TNKS: variants seen among roughly 807,000 people sequenced by gnomAD.
TNKS encodes poly [ADP-ribose] polymerase tankyrase-1.
TNKS carries 72 observed loss-of-function variants against 135.8 expected under a neutral mutation model. The observed-to-expected ratio is 0.53, with a 90% confidence interval of 0.44 to 0.64. The LOEUF (loss-of-function observed/expected upper bound fraction) is 0.64, where lower values mean the gene tolerates loss of function less well. Among genes scored for constraint, TNKS ranks in the 30% least tolerant of loss-of-function variants. The probability of loss-of-function intolerance (pLI) is 0.00; values close to 1 mark genes in which losing one functional copy is unlikely to be tolerated. For missense variants in TNKS, 1,769 were observed against 1,674.0 expected, an observed-to-expected ratio of 1.06 and a Z score of -0.99; for synonymous variants, 849 against 649.3, an observed-to-expected ratio of 1.31 and a Z score of -4.68.
At chr8:9,722,395 T>G (rs1198958886) in intron 12 of TNKS, 3 of 152,230 alleles carry the variant, frequency 2.0e-5, no homozygotes, top group Non-Finnish European at 4.4e-5. Context: ...TTCCTCATGC[T>G]AGGTCATTCG....
intron 1 of TNKS, among the ~76,000 whole-genome samples, chr8:9,559,504 G>A (rs1309377484): frequency 6.6e-6 from 1 of 152,076 alleles, no homozygotes; most frequent in African/African-American, 2.4e-5. Flanking sequence ...TGGGTAAATT[G>A]TGAATCTTGG....
At chr8:9,748,270 G>T (rs905469568) in intron 18 of TNKS, 58 bp downstream of exon 18, 5 of 1,324,420 alleles carry the variant, frequency 3.8e-6, no homozygotes, top group Non-Finnish European at 4.9e-6. Context: ...GATGACATCA[G>T]ATTCTCGGGT....
intron 2 of TNKS, among the ~76,000 whole-genome samples, chr8:9,599,423 G>C (rs1798927828): frequency 6.6e-6 from 1 of 152,170 alleles, no homozygotes; most frequent in South Asian, 2.1e-4. Flanking sequence ...TTATGAAAGA[G>C]GAAATTAAGA....
chr8:9,695,025 G>C (rs1803447809), intron 5 of TNKS, among the ~76,000 whole-genome samples: 1 of 152,144 alleles, frequency 6.6e-6, no homozygotes, highest in South Asian at 2.1e-4. Flanking sequence ...GTACCCAGCA[G>C]TCATTTGTGA....
chr8:9,774,151 T>A (rs1370182132), intron 26 of TNKS, among the ~76,000 whole-genome samples: 1 of 152,228 alleles, frequency 6.6e-6, no homozygotes, highest in Non-Finnish European at 1.5e-5. Flanking sequence ...TCAGTGGTAT[T>A]TGTTTATGTT....
chr8:9,651,635 G>A (rs1801151435), intron 3 of TNKS, among the ~76,000 whole-genome samples: 2 of 152,132 alleles, frequency 1.3e-5, no homozygotes, highest in South Asian at 4.1e-4. Context: ...ATATCTGTTC[G>A]GGAGGCAGGA....
chr8:9,661,093 C>G (rs1246958948), intron 3 of TNKS, among the ~76,000 whole-genome samples: 3 of 151,944 alleles, frequency 2.0e-5, no homozygotes, highest in Admixed American at 6.6e-5. Flanking sequence ...AGGATACAAA[C>G]AAATGGAAGA....
rs1043811179 is a variant in TNKS at position 9,706,390 on chromosome 8, G to T, written c.1269+137G>T. The T allele has an allele frequency of 2.1e-5, 14 of 657,058 alleles. No individual in the cohort carries two copies. In the South Asian group the frequency reaches 2.8e-4, roughly 13 times the overall value. 40.7% of individuals were successfully genotyped at this position (657,058 alleles called of 1,614,324 possible). ...TTTTGTTTGTTTGTTTTGAGACAGG[G>T]TCTTGCCCTGTCACCCAGGCTGGAG... On this transcript the variant is annotated intron_variant, in intron 7 of 26. Transcript: ENST00000310430.
chr8:9,657,243 C>CG (rs1313602129), intron 3 of TNKS, among the ~76,000 whole-genome samples: 1 of 121,488 alleles, frequency 8.2e-6, no homozygotes, highest in Non-Finnish European at 1.8e-5. Flanking sequence ...GCTGGCCGGG[C>CG]GGGGGGCCGA....
intron 3 of TNKS, chr8:9,658,388 C>A (rs1044645519): frequency 1.7e-5 from 22 of 1,315,450 alleles, no homozygotes; most frequent in Non-Finnish European, 2.2e-5. Flanking sequence ...ACTGAGACAG[C>A]TCCGCTGCCC....
intron 3 of TNKS, among the ~76,000 whole-genome samples, chr8:9,656,137 G>C (rs184596801): frequency 2.0e-5 from 3 of 152,188 alleles, no homozygotes; most frequent in East Asian, 1.9e-4. Flanking sequence ...GGAAGAAAGA[G>C]TATCAGCGAT....
chr8:9,559,356 A>C (rs1310946356), intron 1 of TNKS, among the ~76,000 whole-genome samples: 2 of 152,300 alleles, frequency 1.3e-5, no homozygotes, highest in East Asian at 3.9e-4. Context: ...TAGCCAAGCA[A>C]AGGTTGGAAG....
At chr8:9,745,457 A>G (rs1354783839) in intron 17 of TNKS, among the ~76,000 whole-genome samples, 1 of 152,058 alleles carries the variant, frequency 6.6e-6, no homozygotes, top group Non-Finnish European at 1.5e-5. Flanking sequence ...CAGGCTGGAA[A>G]GCAGTGGTGC....
At chr8:9,574,807 T>C (rs1291566093) in intron 1 of TNKS, among the ~76,000 whole-genome samples, 2 of 152,166 alleles carry the variant, frequency 1.3e-5, no homozygotes, top group Non-Finnish European at 2.9e-5. Flanking sequence ...ATGAACTATG[T>C]ATGAAAGTAT....
rs372231698 is a variant in TNKS at position 9,771,844 on chromosome 8, G to GA, written c.3897+1583dup. On this transcript the variant is annotated intron_variant, in intron 26 of 26. Coordinates refer to ENST00000310430, the MANE Select transcript of TNKS (RefSeq NM_003747.3). The stretch of plus-strand genomic sequence containing the variant: ...GGGGGAATGAAGCGGGGAGAGAGGG[G>GA]AGGGAGGGAGAGAGAGCTAGAGAGC... Among the ~76,000 whole-genome samples, 18 of 12,248 alleles carry GA rather than the reference G, an allele frequency of 1.5e-3. 1 individual carries two copies. Among genetic ancestry groups the GA allele is most frequent in the African/African-American group, 4.4e-3 (13 of 2,972 alleles). 8.0% of individuals were successfully genotyped at this position (12,248 alleles called of 152,430 possible).
At chr8:9,565,973 A>T (rs1186893780) in intron 1 of TNKS, among the ~76,000 whole-genome samples, 1 of 152,208 alleles carries the variant, frequency 6.6e-6, no homozygotes, top group Non-Finnish European at 1.5e-5. Context: ...TATATGTCAA[A>T]TTATATGTTG....
intron 2 of TNKS, among the ~76,000 whole-genome samples, chr8:9,613,552 C>T (rs905295913): frequency 1.3e-5 from 2 of 152,310 alleles, no homozygotes; most frequent in African/African-American, 4.8e-5. Flanking sequence ...ATTTTGTTAT[C>T]AGCATCTGGT....
intron 19 of TNKS, among the ~76,000 whole-genome samples, chr8:9,752,056 G>A (rs1200901606): frequency 6.6e-6 from 1 of 152,118 alleles, no homozygotes; most frequent in East Asian, 1.9e-4. Context: ...ATATTCTAGA[G>A]CATCTGTTTA....
chr8:9,716,954 C>T (rs548522141), intron 11 of TNKS, among the ~76,000 whole-genome samples: 1 of 150,896 alleles, frequency 6.6e-6, no homozygotes, highest in Non-Finnish European at 1.5e-5. Context: ...TGAGTACGAG[C>T]ATTCATTGGA....
Sources: gnomAD v4.1 joint callset for allele counts (sites outside exome capture counted in the v4.1 genomes callset) on GRCh38, gnomAD v4.1.1 for gene constraint, MANE v1.5 for transcripts, NCBI Gene and HGNC (gene_info 2026-07-23, HGNC 2026-07-21) for gene names.